The following CNTNAP2 variants were observed in gnomAD, a reference collection of about 807,000 sequenced individuals.
CNTNAP2 encodes the protein contactin-associated protein-like 2.
In CNTNAP2, 98 loss-of-function variants were observed where a neutral mutation model predicts 155.2. The ratio of observed to expected loss-of-function variants is 0.63; its 90% CI spans 0.54 to 0.75. CNTNAP2 has a LOEUF of 0.75. CNTNAP2 is among the 30% of genes least tolerant of loss of function. The pLI is 0.00. For missense variants in CNTNAP2, 1,727 were observed against 1,688.1 expected (o/e 1.02, Z -0.40); for synonymous variants, 651 against 631.2 (o/e 1.03, Z -0.47).
At position 147,200,092 on chromosome 7, in the gene CNTNAP2, C is replaced by T. The variant is rs139195248; in HGVS notation, c.1348+67583C>T. 4.4e-3 allele frequency among the ~76,000 whole-genome samples: 674 copies of T among 151,512 alleles called. 3 individuals are homozygous for T. The highest frequency in any genetic ancestry group is 0.015 in the African/African-American group (607 of 41,222). Reference sequence around the variant, plus strand: ...CCCCCTCCTCCTTTCTCACCACTTGCTGTACCCTGTTTTCTTCCCTCTGGC... The same window carrying T: ...CCCCCTCCTCCTTTCTCACCACTTGTTGTACCCTGTTTTCTTCCCTCTGGC... On this transcript the variant is annotated intron_variant, in intron 8 of 23. Coordinates refer to ENST00000361727, the MANE Select transcript of CNTNAP2 (RefSeq NM_014141.6).
At chr7:146,651,155 G>A (rs1341265127) in intron 1 of CNTNAP2, among the ~76,000 whole-genome samples, 1 of 152,118 alleles carries the variant, frequency 6.6e-6, no homozygotes, top group East Asian at 1.9e-4. Context: ...GACAGAGTGG[G>A]TAGTAAGTGA....
chr7:147,158,630 G>A (rs139793919), intron 8 of CNTNAP2, among the ~76,000 whole-genome samples: 271 of 152,206 alleles, frequency 1.8e-3, no homozygotes, highest in African/African-American at 5.7e-3. Flanking sequence ...AAAAATAAAT[G>A]TAGGTGTTTG....
chr7:147,162,255 C>T (rs994372622), intron 8 of CNTNAP2: 1 of 152,178 alleles, frequency 6.6e-6, no homozygotes, highest in Non-Finnish European at 1.5e-5. Flanking sequence ...CTCCATATAT[C>T]ACTGCTTAAA....
chr7:148,241,235 C>T (rs1407482261), intron 20 of CNTNAP2, among the ~76,000 whole-genome samples: 1 of 152,210 alleles, frequency 6.6e-6, no homozygotes, highest in East Asian at 1.9e-4. Flanking sequence ...AAAAATCTAG[C>T]ATAGTCTATG....
intron 12 of CNTNAP2, among the ~76,000 whole-genome samples, chr7:147,615,485 C>A (rs966907529): frequency 6.6e-6 from 1 of 151,358 alleles, no homozygotes; most frequent in East Asian, 1.9e-4. Flanking sequence ...TTGTATATTA[C>A]GATAATCAGA....
At chr7:147,016,600 A>C (rs781503457) in intron 3 of CNTNAP2, among the ~76,000 whole-genome samples, 1 of 152,062 alleles carries the variant, frequency 6.6e-6, no homozygotes, top group African/African-American at 2.4e-5. Context: ...CATCTGAACA[A>C]ACTGATTTTC....
intron 14 of CNTNAP2, among the ~76,000 whole-genome samples, chr7:147,921,078 A>G (rs1000623502): frequency 4.6e-5 from 7 of 151,414 alleles, no homozygotes; most frequent in Non-Finnish European, 5.9e-5. Flanking sequence ...CAAAGTGCTG[A>G]GATTACAGGT....
chr7:147,840,032 G>A (rs1384960371), intron 13 of CNTNAP2, among the ~76,000 whole-genome samples: 1 of 152,002 alleles, frequency 6.6e-6, no homozygotes, highest in Non-Finnish European at 1.5e-5. Context: ...GAATGGAATT[G>A]GAGGTCATTA....
At chr7:146,174,384 C>G (rs1798439826) in intron 1 of CNTNAP2, among the ~76,000 whole-genome samples, 1 of 152,010 alleles carries the variant, frequency 6.6e-6, no homozygotes, top group Non-Finnish European at 1.5e-5. Flanking sequence ...CCACACCTGG[C>G]TAATTTTTGT....
chr7:147,476,771 T>C (rs145586725), intron 10 of CNTNAP2, among the ~76,000 whole-genome samples: 2,068 of 151,932 alleles, frequency 0.014, 38 homozygotes, highest in Non-Finnish European at 0.019. Flanking sequence ...CTACTAAAAA[T>C]ACAAAAATTA....
Position 146,885,967 on chromosome 7 carries a change from GTGTGTGTA to G in CNTNAP2, c.402+46068_402+46075del, listed in dbSNP as rs753736789. 3.4e-3 allele frequency among the ~76,000 whole-genome samples: 393 copies of G among 116,878 alleles called. 1 individual carries two copies. Among genetic ancestry groups the G allele is most frequent in the African/African-American group, 5.2e-3 (142 of 27,180 alleles). 76.7% of individuals were successfully genotyped at this position (116,878 alleles called of 152,430 possible). A position where few individuals can be genotyped will look rare whatever the true frequency, so the allele number is the denominator to read the frequency against. On this transcript the variant is annotated intron_variant, in intron 3 of 23. Transcript: ENST00000361727. The stretch of plus-strand genomic sequence containing the variant: ...TGTGTGTGTGTGTGTGTGTGTGTGT[GTGTGTGTA>G]TGTGCTTTCCCTTTACATTTTTAAG...
At chr7:147,100,403 C>A (rs1161025197) in intron 4 of CNTNAP2, among the ~76,000 whole-genome samples, 1 of 152,012 alleles carries the variant, frequency 6.6e-6, no homozygotes, top group African/African-American at 2.4e-5. Context: ...AAATCAATAA[C>A]CATTTCAGAT....
chr7:147,863,770 T>TG (rs879892246), intron 13 of CNTNAP2, among the ~76,000 whole-genome samples: 9 of 102,188 alleles, frequency 8.8e-5, no homozygotes, highest in Admixed American at 8.0e-4. Flanking sequence ...CGCTTTTTGA[T>TG]GGGGTTGTTT....
chr7:148,301,304 A>ATATATATAT (rs533956682), intron 21 of CNTNAP2, among the ~76,000 whole-genome samples: 38 of 30,318 alleles, frequency 1.3e-3, no homozygotes, highest in African/African-American at 2.5e-3. Context: ...AAAAAAAAAA[A>ATATATATAT]AAATATATAT....
At chr7:146,413,301 A>G (rs1249965072) in intron 1 of CNTNAP2, among the ~76,000 whole-genome samples, 1 of 152,124 alleles carries the variant, frequency 6.6e-6, no homozygotes, top group African/African-American at 2.4e-5. Flanking sequence ...TTTGGATCTT[A>G]TTTCACGGCT....
intron 12 of CNTNAP2, among the ~76,000 whole-genome samples, chr7:147,633,216 A>T (rs781132553): frequency 2.6e-5 from 4 of 152,236 alleles, no homozygotes; most frequent in Non-Finnish European, 5.9e-5. Flanking sequence ...AGAGGATGCA[A>T]GCCCCAATCC....
At chr7:146,740,917 C>A (rs1436850772) in intron 1 of CNTNAP2, among the ~76,000 whole-genome samples, 2 of 152,132 alleles carry the variant, frequency 1.3e-5, no homozygotes, top group African/African-American at 4.8e-5. Flanking sequence ...AAGTGTGAGG[C>A]TATGTGGTCT....
chr7:148,225,822 A>G (rs762779499), intron 19 of CNTNAP2, among the ~76,000 whole-genome samples: 2 of 152,236 alleles, frequency 1.3e-5, no homozygotes, highest in Non-Finnish European at 2.9e-5. Context: ...GACACATGTC[A>G]TATAGGAGAA....
At chr7:148,022,400 C>T (rs1043692946) in intron 15 of CNTNAP2, among the ~76,000 whole-genome samples, 11 of 147,524 alleles carry the variant, frequency 7.5e-5, no homozygotes, top group South Asian at 4.2e-4. Context: ...ACCCGGGAGG[C>T]GGAAGTTGCA....
Sources: gnomAD v4.1 joint callset for allele counts (sites outside exome capture counted in the v4.1 genomes callset) on GRCh38, gnomAD v4.1.1 for gene constraint, MANE v1.5 for transcripts, NCBI Gene and HGNC (gene_info 2026-07-23, HGNC 2026-07-21) for gene names.